Variants in PCDHGA8 observed in about 807,000 individuals in gnomAD.
PCDHGA8 encodes the protein protocadherin gamma subfamily A, 8, also known as protocadherin gamma-A8.
A neutral mutation model predicts 59.2 loss-of-function variants in PCDHGA8; 45 were observed. The ratio of observed to expected loss-of-function variants is 0.76; its 90% CI spans 0.60 to 0.98. The LOEUF is 0.98. Among genes scored for constraint, PCDHGA8 ranks in the 50% least tolerant of loss-of-function variants. PCDHGA8 has a pLI of 0.00. For synonymous variants in PCDHGA8, 531 were observed against 519.0 expected (o/e 1.02, Z -0.32); for missense variants, 1,257 against 1,196.2 (o/e 1.05, Z -0.75).
intron 1 of PCDHGA8, among the ~76,000 whole-genome samples, chr5:141,438,497 T>C (rs1274742357): frequency 6.7e-6 from 1 of 149,116 alleles, no homozygotes; most frequent in African/African-American, 2.5e-5. Flanking sequence ...GAAAAAAGAA[T>C]CATAGTGCAA....
chr5:141,419,999 C>T (rs369649545), intron 1 of PCDHGA8: 4 of 1,613,960 alleles, frequency 2.5e-6, no homozygotes, highest in Non-Finnish European at 3.4e-6. Flanking sequence ...TATTGCTCTA[C>T]GCCTGCGACA....
intron 1 of PCDHGA8, among the ~76,000 whole-genome samples, chr5:141,452,137 G>A (rs2154563838): frequency 6.6e-6 from 1 of 152,162 alleles, no homozygotes; most frequent in East Asian, 1.9e-4. Flanking sequence ...TGGCTCATGT[G>A]TTTTTTCCAA....
At chr5:141,414,773 A>G in intron 1 of PCDHGA8, 1 of 1,614,204 alleles carries the variant, frequency 6.2e-7, no homozygotes, top group Non-Finnish European at 8.5e-7. Flanking sequence ...CATGAGCTAC[A>G]GATGCAGGTG....
At chr5:141,500,184 T>A (rs889800014) in intron 2 of PCDHGA8, among the ~76,000 whole-genome samples, 89 of 135,966 alleles carry the variant, frequency 6.5e-4, no homozygotes, top group African/African-American at 2.4e-3. Flanking sequence ...TCATTTTTAT[T>A]TTTATTTATT....
rs771106873 is a variant in PCDHGA8, at chr5:141,426,860, A to C, written c.2424+31623A>C. 5 of 456,702 alleles carry C rather than the reference A, an allele frequency of 1.1e-5. No individual in the cohort carries two copies. In the Admixed American group the frequency reaches 1.2e-4, roughly 11 times the overall value. The allele number at this position is 456,702 out of a possible 1,614,324, so 28.3% of individuals were successfully genotyped here. A position where few individuals can be genotyped will look rare whatever the true frequency, so the allele number is the denominator to read the frequency against. On this transcript the variant is annotated intron_variant, in intron 1 of 3. Transcript: ENST00000398604. ...CTAAAGGCAAGAACGCTCCAGAATT[A>C]GTGCTGGAGAAGCCCCTGGGCCAGG...
chr5:141,428,180 C>A, intron 1 of PCDHGA8: 1 of 1,486,268 alleles, frequency 6.7e-7, no homozygotes, highest in Non-Finnish European at 9.2e-7. Flanking sequence ...TGACGGAGGA[C>A]AGCCGCCGCT....
intron 1 of PCDHGA8, chr5:141,400,181 A>T: frequency 6.2e-7 from 1 of 1,614,034 alleles, no homozygotes; most frequent in Non-Finnish European, 8.5e-7. Flanking sequence ...GCTGAGCTGC[A>T]GTTTTACCTA....
chr5:141,483,887 C>G (rs147069309), intron 1 of PCDHGA8, among the ~76,000 whole-genome samples: 13 of 152,036 alleles, frequency 8.6e-5, no homozygotes, highest in Non-Finnish European at 1.2e-4. Context: ...TTTTCTATTT[C>G]TCTGAGCTCT....
intron 1 of PCDHGA8, among the ~76,000 whole-genome samples, chr5:141,473,191 G>A (rs28479996): frequency 0.019 from 2,957 of 152,242 alleles, 87 homozygotes; most frequent in African/African-American, 0.062. Context: ...AGGAGTAAAT[G>A]TATCTTCTAA....
rs758815375 is a variant in PCDHGA8 at position 141,393,932 on chromosome 5, C to T, written c.1119C>T (p.Asp373=). The T allele has an allele frequency of 6.2e-7, 1 of 1,613,916 alleles. No homozygotes were observed. Among genetic ancestry groups the T allele is most frequent in the East Asian group, 2.2e-5 (1 of 44,876 alleles). ...TAATTGCCTTCTTGAGTGTGCATGA[C>T]CAAGACTCTGGAAAGAATGGTCAAG... The part of the protein sequence containing the change: ...GTVIAFLSVH[D]QDSGKNGQVV... The change falls in exon 1 of 4, where the codon GAC becomes GAT. Residue 373 remains aspartate, a synonymous_variant. Transcript: ENST00000398604.
intron 1 of PCDHGA8, among the ~76,000 whole-genome samples, chr5:141,434,451 A>C (rs145324240): frequency 6.6e-6 from 1 of 152,210 alleles, no homozygotes; most frequent in Non-Finnish European, 1.5e-5. Context: ...GCTGGAAGGT[A>C]GTGGGTTTAC....
intron 1 of PCDHGA8, chr5:141,433,169 C>T: frequency 6.2e-7 from 1 of 1,613,000 alleles, no homozygotes; most frequent in Non-Finnish European, 8.5e-7. Context: ...TAAAGACAGT[C>T]ATGGGTTAAT....
chr5:141,419,564 C>A (rs2096400387), intron 1 of PCDHGA8: 5 of 1,611,832 alleles, frequency 3.1e-6, no homozygotes, highest in Non-Finnish European at 4.2e-6. Context: ...TGCGCTGGGT[C>A]CCGACGGCTC....
At chr5:141,450,982 A>G (rs746572732) in intron 1 of PCDHGA8, among the ~76,000 whole-genome samples, 18 of 151,360 alleles carry the variant, frequency 1.2e-4, no homozygotes, top group Non-Finnish European at 1.9e-4. Context: ...GTGCCACCAC[A>G]CCCGGCTAAT....
intron 1 of PCDHGA8, among the ~76,000 whole-genome samples, chr5:141,450,503 T>G (rs1196541899): frequency 3.3e-5 from 5 of 152,258 alleles, no homozygotes; most frequent in Admixed American, 6.5e-5. Context: ...TTGTTTGTTT[T>G]GAGATGGAGT....
At chr5:141,468,774 G>A (rs1229480462) in intron 1 of PCDHGA8, among the ~76,000 whole-genome samples, 4 of 152,028 alleles carry the variant, frequency 2.6e-5, no homozygotes, top group Non-Finnish European at 4.4e-5. Flanking sequence ...GCTGAGGCAG[G>A]AGAATGGCGT....
intron 1 of PCDHGA8, chr5:141,403,713 A>G (rs2094445702): frequency 2.5e-6 from 4 of 1,613,946 alleles, no homozygotes; most frequent in Non-Finnish European, 2.5e-6. Flanking sequence ...GTCCTTGAGA[A>G]CGTGCCCCCA....
chr5:141,399,018 T>C lies in PCDHGA8; in HGVS notation c.2424+3781T>C. 5 of 1,613,892 alleles carry C rather than the reference T, an allele frequency of 3.1e-6. No individual in the cohort carries two copies. The South Asian group carries it at 3.3e-5, about 11-fold the overall frequency. On this transcript the variant is annotated intron_variant, in intron 1 of 3. Coordinates refer to ENST00000398604, the MANE Select transcript of PCDHGA8 (RefSeq NM_032088.2). ...GTCTGAATTCAAAGAGCGGAGAAATTACCACTCAAAAGAAACTGGATTTTG... is the reference window on the plus strand; with the variant it reads ...GTCTGAATTCAAAGAGCGGAGAAATCACCACTCAAAAGAAACTGGATTTTG...
At chr5:141,460,483 C>G (rs2098990314) in intron 1 of PCDHGA8, among the ~76,000 whole-genome samples, 1 of 152,046 alleles carries the variant, frequency 6.6e-6, no homozygotes, top group African/African-American at 2.4e-5. Flanking sequence ...ATCCAATTGT[C>G]TCTTTGGAAA....
Sources: gnomAD v4.1 joint callset for allele counts (sites outside exome capture counted in the v4.1 genomes callset) on GRCh38, gnomAD v4.1.1 for gene constraint, MANE v1.5 for transcripts, NCBI Gene and HGNC (gene_info 2026-07-23, HGNC 2026-07-21) for gene names.